NDUFB10: variants seen among roughly 807,000 people sequenced by gnomAD.
NDUFB10 encodes the protein NADH dehydrogenase [ubiquinone] 1 beta subcomplex subunit 10.
In NDUFB10, 23 loss-of-function variants were observed where a neutral mutation model predicts 19.0. That is an observed-to-expected ratio of 1.21 (90% CI 0.87 to 1.71). NDUFB10 has a LOEUF of 1.71. Ranked by LOEUF, NDUFB10 falls within the 40% of genes most tolerant of loss-of-function variation. The pLI is 0.00. For synonymous variants in NDUFB10, 104 were observed against 81.8 expected (o/e 1.27, Z -1.46); for missense variants, 312 against 230.6 (o/e 1.35, Z -2.29).
chr16:1,960,414 G>T (rs547224647), intron 1 of NDUFB10, among the ~76,000 whole-genome samples: 5 of 152,182 alleles, frequency 3.3e-5, no homozygotes, highest in African/African-American at 1.2e-4. Flanking sequence ...GTAGACACGG[G>T]GTTTCACCAT....
Position 1,961,252 on chromosome 16 carries a change from T to C in NDUFB10, c.230T>C (p.Met77Thr), listed in dbSNP as rs768329352. ...DITECKEEDIMCMYEAEMQWK... is the reference protein window; with the variant it reads ...DITECKEEDITCMYEAEMQWK... ...ACTGAGTGCAAGGAGGAGGACATCA[T>C]GTGCATGTATGAAGCCGAAATGCAG... Residue 77 changes from methionine to threonine, a missense_variant, in exon 2 of 4, where the codon ATG (methionine) becomes ACG (threonine). Coordinates refer to ENST00000268668, the MANE Select transcript of NDUFB10 (RefSeq NM_004548.3). The C allele has an allele frequency of 3.7e-6, 6 of 1,613,908 alleles. No individual in the cohort carries two copies. The highest frequency in any genetic ancestry group is 1.1e-5 in the South Asian group (1 of 91,094).
At chr16:1,961,319 G>A (rs756014079) in intron 2 of NDUFB10, 28 bp downstream of exon 2, 1 of 1,612,968 alleles carries the variant, frequency 6.2e-7, no homozygotes, top group Non-Finnish European at 8.5e-7. Context: ...GGAGTGTGGA[G>A]ATCTGCACCG....
In NDUFB10 at chr16:1,961,697, A is replaced by G. The variant is rs564366695; in HGVS notation, c.409+61A>G. 24 of 1,254,914 alleles carry G rather than the reference A, an allele frequency of 1.9e-5. No homozygotes were observed. The African/African-American group carries it at 4.3e-4, about 23-fold the overall frequency. 77.7% of individuals were successfully genotyped at this position (1,254,914 alleles called of 1,614,324 possible). A position where few individuals can be genotyped will look rare whatever the true frequency, so the allele number is the denominator to read the frequency against. On this transcript the variant is annotated intron_variant, in intron 3 of 3. Coordinates refer to ENST00000268668, the MANE Select transcript of NDUFB10 (RefSeq NM_004548.3). ...CTCCTGAGGCCTGGGGGCCAGAACC[A>G]TTGCAAATCTTCCCTCCCCTCCCTT...
chr16:1,959,725 T>C lies in NDUFB10; in HGVS notation c.101T>C (p.Ile34Thr), dbSNP rs1376888816. Residue 34 changes from isoleucine to threonine, a missense_variant, in exon 1 of 4, where the codon ATC becomes ACC. By Grantham distance (89) the Ile-to-Thr change is moderately conservative. Coordinates refer to ENST00000268668, the MANE Select transcript of NDUFB10 (RefSeq NM_004548.3). ...TACATGATGAAAGCGTTCGACCTCA[T>C]CGTGGACCGACCCGTGACCCTCGTG... Reference protein sequence around the residue: ...IVYMMKAFDLIVDRPVTLVRE... With the variant: ...IVYMMKAFDLTVDRPVTLVRE... The C allele has an allele frequency of 6.2e-7, 1 of 1,613,308 alleles. No homozygotes were observed. The highest frequency in any genetic ancestry group is 8.5e-7 in the Non-Finnish European group (1 of 1,179,708).
In NDUFB10 at chr16:1,959,748, G is replaced by T. The variant is rs780114604; in HGVS notation, c.124G>T (p.Val42Leu). ...CATCGTGGACCGACCCGTGACCCTC[G>T]TGAGAGGTACGAAGCCCCAGCCCGG... is the stretch of plus-strand genomic sequence containing the variant. ...DLIVDRPVTL[V>L]REFIERQHAK... The change falls in exon 1 of 4, where the codon GTG (valine) becomes TTG (leucine). Residue 42 changes from valine to leucine, a missense_variant. By Grantham distance (32) the Val-to-Leu change is conservative (BLOSUM62 1). Coordinates refer to ENST00000268668, the MANE Select transcript of NDUFB10 (RefSeq NM_004548.3). 1.9e-6 allele frequency: 3 copies of T among 1,613,120 alleles called. No homozygotes were observed. The highest frequency in any genetic ancestry group is 1.1e-5 in the South Asian group (1 of 91,076).
rs1418544494 is a variant in NDUFB10, at chr16:1,959,739, G to C, written c.115G>C (p.Val39Leu). The C allele has an allele frequency of 6.2e-7, 1 of 1,613,152 alleles. No homozygotes were observed. The highest frequency in any genetic ancestry group is 8.5e-7 in the Non-Finnish European group (1 of 1,179,650). The change falls in exon 1 of 4, where the codon GTG (valine) becomes CTG (leucine). Residue 39 changes from valine to leucine, a missense_variant. Coordinates refer to ENST00000268668, the MANE Select transcript of NDUFB10 (RefSeq NM_004548.3). ...KAFDLIVDRPVTLVREFIERQ... is the reference protein window; with the variant it reads ...KAFDLIVDRPLTLVREFIERQ... Reference sequence around the variant, plus strand: ...GTTCGACCTCATCGTGGACCGACCCGTGACCCTCGTGAGAGGTACGAAGCC... The same window carrying C: ...GTTCGACCTCATCGTGGACCGACCCCTGACCCTCGTGAGAGGTACGAAGCC...
chr16:1,961,331 G>A, intron 2 of NDUFB10, 40 bp downstream of exon 2: 3 of 1,610,906 alleles, frequency 1.9e-6, no homozygotes. Context: ...TCTGCACCGT[G>A]TGCTGCTGGG....
intron 1 of NDUFB10, among the ~76,000 whole-genome samples, 188 bp downstream of exon 1, chr16:1,959,942 C>T (rs2083242477): frequency 6.6e-6 from 1 of 151,862 alleles, no homozygotes; most frequent in African/African-American, 2.4e-5. Flanking sequence ...CCCACTGCAC[C>T]CCGGACCTCA....
intron 3 of NDUFB10, 27 bp from the exon 4 acceptor site, chr16:1,961,770 C>T: frequency 6.5e-7 from 1 of 1,547,798 alleles, no homozygotes; most frequent in Non-Finnish European, 8.7e-7. Context: ...GGCCTCGGTT[C>T]CCAGCTTGTT....
At chr16:1,960,939 C>T (rs1428167578) in intron 1 of NDUFB10, among the ~76,000 whole-genome samples, 1 of 152,206 alleles carries the variant, frequency 6.6e-6, no homozygotes, top group Non-Finnish European at 1.5e-5. Context: ...AGGATGATGC[C>T]TGGTACTCGG....
At chr16:1,961,334 C>T (rs747703483) in intron 2 of NDUFB10, 43 bp downstream of exon 2, 1 of 1,610,370 alleles carries the variant, frequency 6.2e-7, no homozygotes, top group South Asian at 1.1e-5. Context: ...GCACCGTGTG[C>T]TGCTGGGACA....
chr16:1,961,786 T>C lies in NDUFB10; in HGVS notation c.410-11T>C. ...GCCTCGGTTCCCAGCTTGTTTCCAT[T>C]GCTTCCCCAGATCAGGACCTGGGGG... On this transcript the variant is annotated splice_polypyrimidine_tract_variant and intron_variant, in intron 3 of 3. Coordinates refer to ENST00000268668, the MANE Select transcript of NDUFB10 (RefSeq NM_004548.3). 1 of 1,551,646 alleles carries C rather than the reference T, an allele frequency of 6.4e-7. No homozygotes were observed. The highest frequency in any genetic ancestry group is 2.0e-5 in the Admixed American group (1 of 51,030).
Position 1,961,959 on chromosome 16 carries a change from T to TA in NDUFB10, c.*56dup. 1 of 1,515,958 alleles carries TA rather than the reference T, an allele frequency of 6.6e-7. No individual in the cohort carries two copies. The highest frequency in any genetic ancestry group is 9.0e-7 in the Non-Finnish European group (1 of 1,116,368). The allele number at this position is 1,515,958 out of a possible 1,614,324, so 93.9% of individuals were successfully genotyped here. A position where few individuals can be genotyped will look rare whatever the true frequency, so the allele number is the denominator to read the frequency against. ...GCTCTGTATGACTGTTGCTGAAATA[T>TA]AAAGCCCTGCAACCTGCCTGTGTGT... On this transcript the variant is annotated 3_prime_UTR_variant, in exon 4 of 4. Transcript: ENST00000268668.
chr16:1,961,078 G>A, intron 1 of NDUFB10, 75 bp from the exon 2 acceptor site: 2 of 1,552,098 alleles, frequency 1.3e-6, no homozygotes, highest in Non-Finnish European at 1.8e-6. Context: ...CCTCCAAAGG[G>A]CTTATGAGAA....
At chr16:1,960,077 G>A (rs927126152) in intron 1 of NDUFB10, among the ~76,000 whole-genome samples, 4 of 151,420 alleles carry the variant, frequency 2.6e-5, no homozygotes, top group East Asian at 3.9e-4. Context: ...GCCCCCCGCC[G>A]CCCCGGGCAC....
intron 2 of NDUFB10, 96 bp from the exon 3 acceptor site, chr16:1,961,401 G>A (rs1200775123): frequency 1.3e-6 from 2 of 1,593,520 alleles, no homozygotes; most frequent in Non-Finnish European, 1.7e-6. Context: ...GACATGGGAG[G>A]AGCCAGACCC....
chr16:1,959,609 C>T lies in NDUFB10; in HGVS notation c.-16C>T, dbSNP rs377294028. 29 of 1,602,188 alleles carry T rather than the reference C, an allele frequency of 1.8e-5. No individual in the cohort carries two copies. The highest frequency in any genetic ancestry group is 1.7e-4 in the Middle Eastern group (1 of 6,058). On this transcript the variant is annotated 5_prime_UTR_variant, in exon 1 of 4. Coordinates refer to ENST00000268668, the MANE Select transcript of NDUFB10 (RefSeq NM_004548.3). ...GGGCAGCGCGTCCGGGAGCGGAGTC[C>T]GCGCCCGCCGCCGCCATGCCGGACA...
intron 1 of NDUFB10, among the ~76,000 whole-genome samples, chr16:1,960,121 C>G (rs889273456): frequency 6.6e-6 from 1 of 152,334 alleles, no homozygotes; most frequent in Admixed American, 6.5e-5. Flanking sequence ...AGGCCTCTCT[C>G]AAATGTCTCT....
rs758846475 is a variant in NDUFB10, at chr16:1,959,635, G to A, written c.11G>A (p.Ser4Asn). 3 of 1,610,076 alleles carry A rather than the reference G, an allele frequency of 1.9e-6. No individual in the cohort carries two copies. The South Asian group carries it at 3.3e-5, about 18-fold the overall frequency. Residue 4 changes from serine to asparagine, a missense_variant, in exon 1 of 4, where the codon AGC becomes AAC. Transcript: ENST00000268668. ...GCGCCCGCCGCCGCCATGCCGGACA[G>A]CTGGGACAAGGATGTGTACCCTGAG... MPD[S>N]WDKDVYPEPP...
Sources: allele counts gnomAD v4.1 joint callset (sites outside exome capture counted in the v4.1 genomes callset), GRCh38; gene constraint gnomAD v4.1.1; transcripts MANE v1.5; gene names NCBI Gene and HGNC (gene_info 2026-07-23, HGNC 2026-07-21).